SLC39A12: variants seen among roughly 807,000 people sequenced by gnomAD.
The protein encoded by SLC39A12 is solute carrier family 39 member 12, also known as zinc transporter ZIP12.
A neutral mutation model predicts 71.1 loss-of-function variants in SLC39A12; 63 were observed. That is an observed-to-expected ratio of 0.89 (90% CI 0.72 to 1.09). SLC39A12 has a LOEUF of 1.09. SLC39A12 is among the 50% of genes least tolerant of loss of function. The pLI is 0.00. For missense variants in SLC39A12, 892 were observed against 812.6 expected (o/e 1.10, Z -1.19); for synonymous variants, 351 against 301.3 (o/e 1.16, Z -1.71).
At chr10:18,030,565 C>A (rs1836813573) in intron 12 of SLC39A12, among the ~76,000 whole-genome samples, 2 of 151,656 alleles carry the variant, frequency 1.3e-5, no homozygotes, top group South Asian at 4.2e-4. Flanking sequence ...ATATTGTCTG[C>A]CTTGAAAACA....
chr10:18,012,020 T>G (rs1453464834), intron 12 of SLC39A12, among the ~76,000 whole-genome samples: 2 of 152,220 alleles, frequency 1.3e-5, no homozygotes, highest in African/African-American at 4.8e-5. Context: ...CAAGGAAGGT[T>G]AAAACAGCTA....
intron 12 of SLC39A12, among the ~76,000 whole-genome samples, chr10:18,041,697 GTATATATATGTA>G (rs988211047): frequency 6.2e-5 from 6 of 96,956 alleles, no homozygotes; most frequent in South Asian, 3.2e-4. Context: ...GTATATATGT[GTATATATATGTA>G]TATACATATG....
intron 4 of SLC39A12, among the ~76,000 whole-genome samples, chr10:17,975,027 T>C (rs1029541830): frequency 3.3e-5 from 5 of 152,156 alleles, no homozygotes; most frequent in Admixed American, 1.3e-4. Context: ...AGAGGAGCCT[T>C]ACTCTGTGGC....
rs1025712737 is a variant in SLC39A12 at position 17,965,820 on chromosome 10, A to G, written c.751+130A>G. 11 of 770,804 alleles carry G rather than the reference A, an allele frequency of 1.4e-5. No individual in the cohort carries two copies. The Middle Eastern group carries it at 1.5e-3, about 103-fold the overall frequency. The allele number at this position is 770,804 out of a possible 1,614,324, so 47.7% of individuals were successfully genotyped here. On this transcript the variant is annotated intron_variant, in intron 4 of 12. Coordinates refer to ENST00000377369, the MANE Select transcript of SLC39A12 (RefSeq NM_001145195.2). ...TTTAAATACCATTTTTTATAGAGTC[A>G]TAAAGTCAGACAGCTTATGTGGCCT...
intron 2 of SLC39A12, 35 bp from the exon 3 acceptor site, chr10:17,961,546 G>A: frequency 6.4e-7 from 1 of 1,573,552 alleles, no homozygotes; most frequent in Non-Finnish European, 8.6e-7. Context: ...GCTAAGCTTT[G>A]TTTCTTTTGT....
intron 12 of SLC39A12, among the ~76,000 whole-genome samples, chr10:18,021,179 T>C (rs1197461823): frequency 1.3e-5 from 2 of 152,034 alleles, no homozygotes; most frequent in Non-Finnish European, 2.9e-5. Flanking sequence ...GTTTCTATCT[T>C]CTGCACATGG....
At chr10:17,985,053 AATGATCTAGTCTGGGC>A (rs1352488949) in intron 6 of SLC39A12, among the ~76,000 whole-genome samples, 1 of 152,198 alleles carries the variant, frequency 6.6e-6, no homozygotes, top group Non-Finnish European at 1.5e-5. Flanking sequence ...ATATTATTAA[AATGATCTAGTCTGGGC>A]ATGGTGGCTC....
Position 18,042,816 on chromosome 10 carries a change from C to T in SLC39A12, c.2059C>T (p.Gln687Ter). 6.2e-7 allele frequency: 1 copy of T among 1,607,206 alleles called. No individual in the cohort carries two copies. Among genetic ancestry groups the T allele is most frequent in the Non-Finnish European group, 8.5e-7 (1 of 1,177,620 alleles). Residue 687 changes from glutamine to a stop codon, truncating the protein, a stop_gained, in exon 13 of 13, where the codon CAA becomes TAA. Transcript: ENST00000377369. LOFTEE classifies it high-confidence loss of function. ...TCTCCTGCTCTTGGCTATATATGAG[C>T]AAAATATTAAAATATAAGTGAGGAT... Reference protein sequence around the residue: ...LSLLLLAIYEQNIKI With the variant: ...LSLLLLAIYE
intron 4 of SLC39A12, among the ~76,000 whole-genome samples, chr10:17,976,089 C>T (rs139132102): frequency 6.6e-6 from 1 of 152,238 alleles, no homozygotes; most frequent in African/African-American, 2.4e-5. Flanking sequence ...TTTTCTGCCT[C>T]TTCAGTGCCT....
chr10:17,987,600 C>T lies in SLC39A12; in HGVS notation c.1218C>T (p.Gly406=), dbSNP rs1159845860. 6.0e-5 allele frequency: 97 copies of T among 1,614,062 alleles called. No homozygotes were observed. The highest frequency in any genetic ancestry group is 8.0e-5 in the Non-Finnish European group (94 of 1,180,042). ...NYRLILQLFV[G]LAVGTLSGDA... ...GGCTTATCTTACAGCTGTTTGTGGG[C>T]TTGGCCGTCGGGACACTGTCTGGGG... is the stretch of plus-strand genomic sequence containing the variant. The change falls in exon 7 of 13, where the codon GGC becomes GGT. Residue 406 remains glycine, a synonymous_variant. Transcript: ENST00000377369.
intron 3 of SLC39A12, 141 bp downstream of exon 3, chr10:17,962,003 A>AC: frequency 2.3e-6 from 2 of 851,322 alleles, no homozygotes; most frequent in Non-Finnish European, 3.5e-6. Flanking sequence ...TGAGATGTTA[A>AC]ATGACATAAT....
intron 4 of SLC39A12, 84 bp from the exon 5 acceptor site, chr10:17,977,818 T>C: frequency 1.0e-6 from 1 of 998,738 alleles, no homozygotes; most frequent in South Asian, 3.2e-5. Context: ...TGTAAGGGAA[T>C]ATCTATGCTG....
At chr10:18,036,863 T>C (rs1420057620) in intron 12 of SLC39A12, among the ~76,000 whole-genome samples, 1 of 147,900 alleles carries the variant, frequency 6.8e-6, no homozygotes, top group African/African-American at 2.5e-5. Context: ...CTCGACTCAC[T>C]GCAACCTCCG....
intron 12 of SLC39A12, among the ~76,000 whole-genome samples, chr10:18,031,139 T>A (rs1430368275): frequency 1.4e-5 from 2 of 146,270 alleles, no homozygotes; most frequent in African/African-American, 5.0e-5. Flanking sequence ...GCAGCATGAT[T>A]TATAGTCATT....
At position 17,960,837 on chromosome 10, in the gene SLC39A12, TATAAA is replaced by T. The variant is rs145209117; in HGVS notation, c.262-740_262-736del. On this transcript the variant is annotated intron_variant, in intron 2 of 12. Transcript: ENST00000377369. The stretch of plus-strand genomic sequence containing the variant: ...CAAAGACTTTGTTCAAGAAGAAAAA[TATAAA>T]ATATCTTAATTTTTAAAAATTTTGA... Among the ~76,000 whole-genome samples, 921 of 152,218 alleles carry T rather than the reference TATAAA, an allele frequency of 6.1e-3. 6 individuals carry two copies. Among genetic ancestry groups the T allele is most frequent in the African/African-American group, 0.021 (870 of 41,526 alleles).
At chr10:18,039,561 C>G (rs1247857975) in intron 12 of SLC39A12, among the ~76,000 whole-genome samples, 1 of 151,968 alleles carries the variant, frequency 6.6e-6, no homozygotes, top group Non-Finnish European at 1.5e-5. Context: ...GACCTCGTCT[C>G]TACTAAGAAT....
rs1554847366 is a variant in SLC39A12, at chr10:17,953,402, A to C, written c.126A>C (p.Gln42His). The change falls in exon 2 of 13, where the codon CAA becomes CAC. Residue 42 changes from glutamine (Q) to histidine (H), a missense_variant. Physicochemically the swap from Gln to His is conservative, Grantham distance 24 (BLOSUM62 0). Transcript: ENST00000377369. ...QDSRSRGSSG[Q>H]PADLLQVLSA... ...GCAGAAGCCGTGGGAGTTCAGGCCA[A>C]CCGGCAGACCTGCTACAGGTTCTCT... 3.1e-6 allele frequency: 5 copies of C among 1,614,194 alleles called. No homozygotes were observed. Among genetic ancestry groups the C allele is most frequent in the Admixed American group, 1.7e-5 (1 of 60,020 alleles).
At chr10:17,994,970 A>G (rs549192430) in intron 9 of SLC39A12, among the ~76,000 whole-genome samples, 2 of 152,204 alleles carry the variant, frequency 1.3e-5, no homozygotes, top group South Asian at 2.1e-4. Context: ...GACGGAAAAT[A>G]TATTTTCAGA....
At chr10:17,978,857 C>T (rs1217253307) in intron 5 of SLC39A12, among the ~76,000 whole-genome samples, 1 of 152,138 alleles carries the variant, frequency 6.6e-6, no homozygotes, top group African/African-American at 2.4e-5. Flanking sequence ...TGATCATTTT[C>T]CAAGGGTTGT....
Sources: gnomAD v4.1 joint callset for allele counts (sites outside exome capture counted in the v4.1 genomes callset) on GRCh38, gnomAD v4.1.1 for gene constraint, MANE v1.5 for transcripts, NCBI Gene and HGNC (gene_info 2026-07-23, HGNC 2026-07-21) for gene names.